GCH1: variants seen among roughly 807,000 people sequenced by gnomAD.
GCH1 encodes GTP cyclohydrolase 1, also known as GTP cyclohydrolase I.
In GCH1, 5 loss-of-function variants were observed where a neutral mutation model predicts 25.9. The observed-to-expected ratio is 0.19, with a 90% CI of 0.10 to 0.41. The LOEUF is 0.41. GCH1 is among the 10% of genes least tolerant of loss of function. GCH1 has a pLI of 1.00. For synonymous variants in GCH1, 159 were observed against 129.6 expected, an observed-to-expected ratio of 1.23 and a Z score of -1.54; for missense variants, 261 against 336.5, an observed-to-expected ratio of 0.78 and a Z score of 1.75.
chr14:54,890,930 T>C (rs142039209), intron 1 of GCH1, among the ~76,000 whole-genome samples: 87 of 152,286 alleles, frequency 5.7e-4, no homozygotes, highest in African/African-American at 1.9e-3. Flanking sequence ...AGAACCCCTT[T>C]ACTCCTTGAA....
At chr14:54,900,845 TCACACA>T (rs3221690) in intron 1 of GCH1, among the ~76,000 whole-genome samples, 10,293 of 144,546 alleles carry the variant, frequency 0.071, 389 homozygotes, top group African/African-American at 0.1. Flanking sequence ...GTGAAATATC[TCACACA>T]CACACACACA....
chr14:54,891,799 T>C (rs1349579324), intron 1 of GCH1, among the ~76,000 whole-genome samples: 1 of 152,192 alleles, frequency 6.6e-6, no homozygotes, highest in African/African-American at 2.4e-5. Flanking sequence ...CAATCCTTTG[T>C]CCAGAGCATC....
At chr14:54,871,374 T>C (rs1020632910) in intron 1 of GCH1, among the ~76,000 whole-genome samples, 9 of 151,836 alleles carry the variant, frequency 5.9e-5, no homozygotes, top group Non-Finnish European at 4.4e-5. Context: ...AGACCAAAGG[T>C]AGATAAAACC....
Position 54,862,521 on chromosome 14 carries a change from C to CACAGA in GCH1, c.454-2786_454-2785insTCTGT, listed in dbSNP as rs545303137. 2.7e-3 allele frequency among the ~76,000 whole-genome samples: 414 copies of CACAGA among 150,652 alleles called. 3 individuals carry two copies. Among genetic ancestry groups the CACAGA allele is most frequent in the African/African-American group, 9.5e-3 (387 of 40,874 alleles). On this transcript the variant is annotated intron_variant, in intron 2 of 5. Transcript: ENST00000491895. ...CCTCACCCTCCCGAGTAGCTGAGAC[C>CACAGA]ACAGGTGCATGCCACCATGCTAGCT...
chr14:54,848,096 C>T (rs1172937234), intron 3 of GCH1, among the ~76,000 whole-genome samples: 1 of 150,706 alleles, frequency 6.6e-6, no homozygotes, highest in Admixed American at 6.6e-5. Context: ...GCCTCCTGAT[C>T]TTAACTTATA....
intron 1 of GCH1, among the ~76,000 whole-genome samples, chr14:54,874,534 G>A (rs927247187): frequency 6.6e-6 from 1 of 152,150 alleles, no homozygotes; most frequent in Non-Finnish European, 1.5e-5. Context: ...ATTCAATTAG[G>A]AAAAGAGGAA....
At chr14:54,857,587 G>A (rs564950847) in intron 3 of GCH1, among the ~76,000 whole-genome samples, 1 of 152,376 alleles carries the variant, frequency 6.6e-6, no homozygotes, top group South Asian at 2.1e-4. Flanking sequence ...CTTGCTGACA[G>A]GGAGGCCCAG....
At chr14:54,885,563 G>T in intron 1 of GCH1, 1 of 388,746 alleles carries the variant, frequency 2.6e-6, no homozygotes, top group Non-Finnish European at 5.0e-6. Context: ...CAAGGTGAGG[G>T]ATGAATCCCT....
intron 1 of GCH1, among the ~76,000 whole-genome samples, chr14:54,900,867 A>T (rs942131548): frequency 2.0e-5 from 3 of 151,762 alleles, no homozygotes; most frequent in Non-Finnish European, 2.9e-5. Flanking sequence ...ACACACACAC[A>T]CACACACACA....
intron 1 of GCH1, among the ~76,000 whole-genome samples, chr14:54,896,477 A>T (rs1055260431): frequency 8.6e-5 from 6 of 69,998 alleles, no homozygotes; most frequent in Admixed American, 2.8e-4. Context: ...ATATCTCTTT[A>T]AAAAAAAAAA....
intron 1 of GCH1, among the ~76,000 whole-genome samples, chr14:54,893,676 CT>C (rs1198933758): frequency 6.6e-6 from 1 of 152,192 alleles, no homozygotes. Flanking sequence ...CCCCAATTTC[CT>C]TATGTATAAA....
intron 1 of GCH1, among the ~76,000 whole-genome samples, chr14:54,879,072 T>TAA (rs2040204228): frequency 6.6e-6 from 1 of 152,038 alleles, no homozygotes; most frequent in Non-Finnish European, 1.5e-5. Context: ...TTCACTTCCT[T>TAA]AAAATACATT....
chr14:54,900,355 G>A (rs760804315), intron 1 of GCH1, among the ~76,000 whole-genome samples: 8 of 151,580 alleles, frequency 5.3e-5, no homozygotes, highest in Non-Finnish European at 1.0e-4. Context: ...GACTACAGGC[G>A]CCCGCCATCA....
chr14:54,863,610 A>G (rs1418583844), intron 2 of GCH1, among the ~76,000 whole-genome samples: 3 of 151,966 alleles, frequency 2.0e-5, no homozygotes, highest in South Asian at 2.1e-4. Context: ...ATGAAAATAA[A>G]CTACAATGAC....
chr14:54,889,253 G>A (rs1296537727), intron 1 of GCH1, among the ~76,000 whole-genome samples: 3 of 152,296 alleles, frequency 2.0e-5, no homozygotes, highest in South Asian at 2.1e-4. Context: ...ACTAGTCAGC[G>A]ACCTCACTGA....
At chr14:54,866,475 G>A (rs2039991234) in intron 1 of GCH1, among the ~76,000 whole-genome samples, 1 of 151,688 alleles carries the variant, frequency 6.6e-6, no homozygotes, top group African/African-American at 2.4e-5. Context: ...GAAAAAAACT[G>A]TACTGATACC....
chr14:54,845,871 G>A lies in GCH1; in HGVS notation c.542-19C>T, dbSNP rs201405174. 87 of 1,427,016 alleles carry A rather than the reference G, an allele frequency of 6.1e-5. 1 individual carries two copies. The Admixed American group carries it at 1.4e-3, about 23-fold the overall frequency. The allele number at this position is 1,427,016 out of a possible 1,614,324, so 88.4% of individuals were successfully genotyped here. A position where few individuals can be genotyped will look rare whatever the true frequency, so the allele number is the denominator to read the frequency against. On this transcript the variant is annotated intron_variant, in intron 4 of 5. Transcript: ENST00000491895. ...TCCTGAACTGTGGATGTGATAAGGA[G>A]CTCAGTTTGAGAGTCTGACACAAAC...
At chr14:54,876,427 G>A (rs2040161677) in intron 1 of GCH1, among the ~76,000 whole-genome samples, 1 of 151,960 alleles carries the variant, frequency 6.6e-6, no homozygotes, top group Non-Finnish European at 1.5e-5. Flanking sequence ...CACCAACATG[G>A]CACATGTATA....
chr14:54,864,269 A>G (rs1056680370), intron 2 of GCH1, among the ~76,000 whole-genome samples: 3 of 152,240 alleles, frequency 2.0e-5, no homozygotes, highest in African/African-American at 7.2e-5. Context: ...TACTTTAACA[A>G]AGACAAAAAT....
Sources: allele counts gnomAD v4.1 joint callset (sites outside exome capture counted in the v4.1 genomes callset), GRCh38; gene constraint gnomAD v4.1.1; transcripts MANE v1.5; gene names NCBI Gene and HGNC (gene_info 2026-07-23, HGNC 2026-07-21).